SBNO2: variants seen among roughly 807,000 people sequenced by gnomAD.
SBNO2 encodes the protein strawberry notch homolog 2.
Under a neutral mutation model 146.3 loss-of-function variants are expected in SBNO2, and 89 were observed. The ratio of observed to expected loss-of-function variants is 0.61; its 90% CI spans 0.51 to 0.73. The LOEUF is 0.73. Among genes scored for constraint, SBNO2 ranks in the 30% least tolerant of loss-of-function variants. The pLI is 0.00. For missense variants in SBNO2, 2,092 were observed against 2,003.7 expected (o/e 1.04, Z -0.84); for synonymous variants, 1,147 against 892.6 (o/e 1.29, Z -5.08).
chr19:1,112,403 G>C lies in SBNO2; in HGVS notation c.2514C>G (p.Phe838Leu). The change falls in exon 21 of 32, where the codon TTC becomes TTG. Residue 838 changes from phenylalanine (F) to leucine (L), a missense_variant and splice_region_variant. Phe to Leu is a conservative substitution (Grantham distance 22). Transcript: ENST00000361757. The surrounding 1 kb of genome is among the most constrained non-coding windows in gnomAD (Gnocchi z 5.9). Reference sequence around the variant, plus strand: ...CGCTGGGGGCGGGGCCGGACTCACCGAACTGCTGGATGGCGCGGTCGGCGC... The same window carrying C: ...CGCTGGGGGCGGGGCCGGACTCACCCAACTGCTGGATGGCGCGGTCGGCGC... ...PWSADRAIQQ[F>L]GRTHRSNQVS... The C allele has an allele frequency of 1.2e-6, 2 of 1,601,322 alleles. No homozygotes were observed. The highest frequency in any genetic ancestry group is 1.7e-6 in the Non-Finnish European group (2 of 1,176,802).
chr19:1,166,231 A>ACCCCAGATGCCAGACTTCAGAT lies in SBNO2; in HGVS notation c.-127+7940_-127+7941insATCTGAAGTCTGGCATCTGGGG, dbSNP rs1555729307. On this transcript the variant is annotated intron_variant, in intron 1 of 31. Transcript: ENST00000361757. ...CCAGATCCCAGACCCGAGATTCCAG[A>ACCCCAGATGCCAGACTTCAGAT]CCCCAGATCCCAGACCCCAGCCCAG... is the stretch of plus-strand genomic sequence containing the variant. Among the ~76,000 whole-genome samples, 26 of 76,616 alleles carry ACCCCAGATGCCAGACTTCAGAT rather than the reference A, an allele frequency of 3.4e-4. 2 individuals carry two copies. Among genetic ancestry groups the ACCCCAGATGCCAGACTTCAGAT allele is most frequent in the Middle Eastern group, 8.1e-3 (1 of 124 alleles). 50.3% of individuals were successfully genotyped at this position (76,616 alleles called of 152,430 possible).
chr19:1,125,732 G>A (rs1403659490), intron 5 of SBNO2, among the ~76,000 whole-genome samples: 4 of 151,974 alleles, frequency 2.6e-5, no homozygotes, highest in South Asian at 2.1e-4. Flanking sequence ...CGCCGGGTGC[G>A]TGGCTCAGGC....
intron 2 of SBNO2, 109 bp downstream of exon 2, chr19:1,154,075 C>A (rs576816147): frequency 4.1e-6 from 2 of 487,476 alleles, no homozygotes; most frequent in East Asian, 3.6e-5. Flanking sequence ...GTGGAGATCA[C>A]GCCGCGTCCA....
intron 4 of SBNO2, among the ~76,000 whole-genome samples, chr19:1,128,843 C>A (rs2079996712): frequency 6.6e-6 from 1 of 151,930 alleles, no homozygotes; most frequent in Non-Finnish European, 1.5e-5. Flanking sequence ...TGGTGCATGC[C>A]CGTAGTCCCA....
At position 1,114,257 on chromosome 19, in the gene SBNO2, G is replaced by C. The variant is rs1423835896; in HGVS notation, c.2051C>G (p.Ala684Gly). ...LVDDDVVIVD[A>G]VGLPSDDRGP... Reference sequence around the variant, plus strand: ...CCGGTCGTCACTGGGGAGCCCGACTGCATCAACGATGACAACGTCGTCATC... The same window carrying C: ...CCGGTCGTCACTGGGGAGCCCGACTCCATCAACGATGACAACGTCGTCATC... Residue 684 changes from alanine (A) to glycine (G), a missense_variant, in exon 18 of 32, where the codon GCA (alanine) becomes GGA (glycine). Physicochemically the swap from Ala to Gly is moderately conservative, Grantham distance 60 (BLOSUM62 0). Transcript: ENST00000361757. 8 of 1,538,730 alleles carry C rather than the reference G, an allele frequency of 5.2e-6. No homozygotes were observed. The highest frequency in any genetic ancestry group is 7.0e-6 in the Non-Finnish European group (8 of 1,140,370).
rs2079808078 is a variant in SBNO2 at position 1,114,503 on chromosome 19, C to CA, written c.1886-82dup. The CA allele has an allele frequency of 2.4e-6, 3 of 1,226,430 alleles. No homozygotes were observed. The East Asian group carries it at 8.2e-5, about 33-fold the overall frequency. 76.0% of individuals were successfully genotyped at this position (1,226,430 alleles called of 1,614,324 possible). A position where few individuals can be genotyped will look rare whatever the true frequency, so the allele number is the denominator to read the frequency against. Reference sequence around the variant, plus strand: ...GTGGAGGAGACGCAGCAGGACAGAGCAAGGCCAGTGGTCCGAGCTGGGGAG... The same window carrying CA: ...GTGGAGGAGACGCAGCAGGACAGAGCAAAGGCCAGTGGTCCGAGCTGGGGAG... On this transcript the variant is annotated intron_variant, in intron 17 of 31. Coordinates refer to ENST00000361757, the MANE Select transcript of SBNO2 (RefSeq NM_014963.3).
At chr19:1,151,336 AG>A (rs35795050) in intron 2 of SBNO2, among the ~76,000 whole-genome samples, 1 of 152,190 alleles carries the variant, frequency 6.6e-6, no homozygotes, top group Admixed American at 6.5e-5. Context: ...GGGAGGATCC[AG>A]GGGTCCCTGG....
At chr19:1,170,909 G>A (rs2080471227) in intron 1 of SBNO2, among the ~76,000 whole-genome samples, 1 of 119,172 alleles carries the variant, frequency 8.4e-6, no homozygotes, top group African/African-American at 3.4e-5. Context: ...GCAAGCATGG[G>A]CACATGGGCA....
At chr19:1,132,099 A>C in intron 4 of SBNO2, 1 of 1,541,076 alleles carries the variant, frequency 6.5e-7, no homozygotes, top group Admixed American at 2.0e-5. Flanking sequence ...CCTTGTTCAG[A>C]GCCTCAAACT....
Position 1,110,869 on chromosome 19 carries a change from G to A in SBNO2, c.2904C>T (p.Phe968=), listed in dbSNP as rs1477955960. Reference sequence around the variant, plus strand: ...CCTCCAGCCCCAGGATGCGGTTCAGGAACTTGGTGATGGAACAGTCTGGTA... The same window carrying A: ...CCTCCAGCCCCAGGATGCGGTTCAGAAACTTGGTGATGGAACAGTCTGGTA... The part of the protein sequence containing the change: ...DVEKDCSITK[F]LNRILGLEVH... Residue 968 remains phenylalanine, a synonymous_variant, in exon 26 of 32, where the codon TTC becomes TTT. Coordinates refer to ENST00000361757, the MANE Select transcript of SBNO2 (RefSeq NM_014963.3). This position sits in a 1 kb window ranked among gnomAD's most constrained non-coding sequence, Gnocchi z 4.9. 3 of 1,613,652 alleles carry A rather than the reference G, an allele frequency of 1.9e-6. No individual in the cohort carries two copies. The highest frequency in any genetic ancestry group is 2.5e-6 in the Non-Finnish European group (3 of 1,179,778).
At chr19:1,160,863 T>G (rs1000842897) in intron 1 of SBNO2, among the ~76,000 whole-genome samples, 5 of 151,746 alleles carry the variant, frequency 3.3e-5, no homozygotes, top group African/African-American at 1.2e-4. Flanking sequence ...AACATGAATC[T>G]CTGTAACTCA....
chr19:1,135,701 C>T (rs542844901), intron 4 of SBNO2, among the ~76,000 whole-genome samples: 27 of 152,336 alleles, frequency 1.8e-4, no homozygotes, highest in Admixed American at 5.9e-4. Flanking sequence ...GCTGAATGCC[C>T]GCTGCCTCAG....
intron 1 of SBNO2, among the ~76,000 whole-genome samples, chr19:1,164,638 G>GGAA (rs2080388548): frequency 1.4e-5 from 2 of 147,910 alleles, no homozygotes; most frequent in Non-Finnish European, 3.0e-5. Flanking sequence ...AGGAGGAGGA[G>GGAA]GAGGAGGAAC....
chr19:1,147,490 C>A, intron 3 of SBNO2, 70 bp from the exon 4 acceptor site: 1 of 879,982 alleles, frequency 1.1e-6, no homozygotes, highest in South Asian at 1.9e-5. Flanking sequence ...CACACCTGCA[C>A]CCCCATGGCC....
chr19:1,142,045 T>TCCTTCCCCATGATCAA (rs2080142837), intron 4 of SBNO2, among the ~76,000 whole-genome samples: 1 of 148,588 alleles, frequency 6.7e-6, no homozygotes, highest in African/African-American at 2.5e-5. Flanking sequence ...CTCAATGACC[T>TCCTTCCCCATGATCAA]CCCTCACGAT....
intron 2 of SBNO2, 25 bp downstream of exon 2, chr19:1,154,159 G>A: frequency 6.1e-6 from 7 of 1,140,880 alleles, no homozygotes; most frequent in African/African-American, 1.6e-5. Flanking sequence ...CCGTCGGGTG[G>A]GCCGGGGCCG....
At chr19:1,131,433 CTGGGAGGACCTG>C (rs2080027303) in intron 4 of SBNO2, among the ~76,000 whole-genome samples, 3 of 152,006 alleles carry the variant, frequency 2.0e-5, no homozygotes, top group African/African-American at 7.3e-5. Context: ...GAGGACCTGG[CTGGGAGGACCTG>C]GCTCTGCCCG....
At chr19:1,149,273 T>C in intron 3 of SBNO2, 96 bp downstream of exon 3, 1 of 1,160,760 alleles carries the variant, frequency 8.6e-7, no homozygotes, top group South Asian at 1.4e-5. Flanking sequence ...CAACAAGACT[T>C]TGGGCCCTCG....
At position 1,172,785 on chromosome 19, in the gene SBNO2, CCG is replaced by C. The variant is rs1568659809; in HGVS notation, c.-127+1385_-127+1386del. ...AAAACACTCACTGCAACCGCCCCCCCCGCCCCGGCAAACTGGCAGCCAGCATC... is the reference window on the plus strand; with the variant it reads ...AAAACACTCACTGCAACCGCCCCCCCCCCCGGCAAACTGGCAGCCAGCATC... On this transcript the variant is annotated intron_variant, in intron 1 of 31. Coordinates refer to ENST00000361757, the MANE Select transcript of SBNO2 (RefSeq NM_014963.3). 1.9e-4 allele frequency among the ~76,000 whole-genome samples: 18 copies of C among 92,332 alleles called. 2 individuals are homozygous for C. Among genetic ancestry groups the C allele is most frequent in the African/African-American group, 4.1e-4 (8 of 19,392 alleles). 60.6% of individuals were successfully genotyped at this position (92,332 alleles called of 152,430 possible).
Sources: allele counts gnomAD v4.1 joint callset (sites outside exome capture counted in the v4.1 genomes callset), GRCh38; gene constraint gnomAD v4.1.1; non-coding constraint Gnocchi (gnomAD v3.1); transcripts MANE v1.5; gene names NCBI Gene and HGNC (gene_info 2026-07-23, HGNC 2026-07-21).